Variants in DNAH10 observed in about 807,000 individuals in gnomAD.
DNAH10 encodes axonemal beta dynein heavy chain 10.
DNAH10 carries 348 observed loss-of-function variants against 506.6 expected under a neutral mutation model. The observed-to-expected ratio is 0.69, with a 90% CI of 0.63 to 0.75. The LOEUF is 0.75. DNAH10 is among the 30% of genes least tolerant of loss of function. DNAH10 has a pLI of 0.00. For missense variants in DNAH10, 5,179 were observed against 5,787.1 expected (o/e 0.89, Z 3.41); for synonymous variants, 2,059 against 2,198.6 (o/e 0.94, Z 1.78).
At chr12:123,836,727 A>G (rs969058396) in intron 28 of DNAH10, among the ~76,000 whole-genome samples, 5 of 152,196 alleles carry the variant, frequency 3.3e-5, no homozygotes, top group African/African-American at 1.2e-4. Context: ...AAAGAATTGT[A>G]CAACACATAT....
rs773202712 is a variant in DNAH10 at position 123,913,164 on chromosome 12, G to A, written c.10201G>A (p.Ala3401Thr). The A allele has an allele frequency of 1.9e-6, 3 of 1,611,788 alleles. No individual in the cohort carries two copies. The highest frequency in any genetic ancestry group is 2.5e-6 in the Non-Finnish European group (3 of 1,179,374). The part of the protein sequence containing the change: ...RELERIQNEL[A>T]AIQKELETLG... ...ACTGGAAAGGATCCAGAATGAGTTGGCAGCAATTCAGAAAGAGCTGGAAAC... is the reference window on the plus strand; with the variant it reads ...ACTGGAAAGGATCCAGAATGAGTTGACAGCAATTCAGAAAGAGCTGGAAAC... Residue 3401 changes from alanine (A) to threonine (T), a missense_variant, in exon 60 of 79, where the codon GCA (alanine) becomes ACA (threonine). By Grantham distance (58) the Ala-to-Thr change is moderately conservative. Around this residue, in one of 3 missense-constraint regions of DNAH10, gnomAD observed 4,844 missense variants for 5,430.5 expected, o/e 0.89. Transcript: ENST00000673944. The surrounding 1 kb of genome is among the most constrained non-coding windows in gnomAD (Gnocchi z 5.1).
intron 56 of DNAH10, 51 bp downstream of exon 56, chr12:123,898,865 C>T (rs907164179): frequency 2.4e-5 from 37 of 1,528,126 alleles, no homozygotes; most frequent in South Asian, 1.8e-4. Context: ...CAATACCCAC[C>T]GTAGGTGAGT....
chr12:123,883,230 A>T (rs1023984233), intron 51 of DNAH10, among the ~76,000 whole-genome samples: 1 of 152,202 alleles, frequency 6.6e-6, no homozygotes, highest in Non-Finnish European at 1.5e-5. Flanking sequence ...GTATGCTCCT[A>T]CAAGTGGAAT....
chr12:123,932,169 C>T (rs1955246189), intron 76 of DNAH10, 61 bp downstream of exon 76: 2 of 1,593,856 alleles, frequency 1.3e-6, no homozygotes, highest in African/African-American at 2.7e-5. Flanking sequence ...ACTCCTCAAA[C>T]CACCTCCCAA....
chr12:123,790,627 A>G (rs1172840298), intron 11 of DNAH10, among the ~76,000 whole-genome samples: 3 of 152,176 alleles, frequency 2.0e-5, no homozygotes, highest in African/African-American at 7.2e-5. Flanking sequence ...TGAAGGTGAC[A>G]GACATGAGAA....
In DNAH10 at chr12:123,882,618, C is replaced by A. The variant is rs1952555014; in HGVS notation, c.8823+805C>A. Among the ~76,000 whole-genome samples, 4 of 151,942 alleles carry A rather than the reference C, an allele frequency of 2.6e-5. No homozygotes were observed. The South Asian group carries it at 8.3e-4, about 32-fold the overall frequency. ...CATCACCCTTGCCAACATGGTGAAA[C>A]CCCGTCTCTACTAAAAATAAAAAAA... On this transcript the variant is annotated intron_variant, in intron 51 of 78. Transcript: ENST00000673944.
intron 6 of DNAH10, among the ~76,000 whole-genome samples, chr12:123,782,618 G>A (rs1463751878): frequency 2.6e-5 from 4 of 151,528 alleles, no homozygotes; most frequent in African/African-American, 9.7e-5. Context: ...TGCCACATTG[G>A]CCAGGCTGGT....
Position 123,805,031 on chromosome 12 carries a change from T to C in DNAH10, c.2978T>C (p.Leu993Pro). ...EKKIYEVLTK[L>P]ILKNLQSFNS... is the part of the protein sequence containing the mutation. The stretch of plus-strand genomic sequence containing the variant: ...AAAATTTATGAGGTCCTGACAAAGC[T>C]CATCCTGAAGTAAGTTCATCTTGTT... The change falls in exon 18 of 79, where the codon CTC becomes CCC. Residue 993 changes from leucine (L) to proline (P), a missense_variant. Transcript: ENST00000673944. The C allele has an allele frequency of 6.2e-7, 1 of 1,614,136 alleles. No individual in the cohort carries two copies. The highest frequency in any genetic ancestry group is 8.5e-7 in the Non-Finnish European group (1 of 1,180,010).
At chr12:123,908,253 C>T (rs1356623424) in intron 57 of DNAH10, 2 of 441,374 alleles carry the variant, frequency 4.5e-6, no homozygotes, top group African/African-American at 4.0e-5. Context: ...CTCTCTGTCT[C>T]CTCCCTGTCT....
In DNAH10 at chr12:123,826,847, A is replaced by C; in HGVS notation, c.4340A>C (p.Lys1447Thr). The C allele has an allele frequency of 1.9e-6, 3 of 1,614,014 alleles. No homozygotes were observed. Among genetic ancestry groups the C allele is most frequent in the Non-Finnish European group, 2.5e-6 (3 of 1,179,876 alleles). The change falls in exon 25 of 79, where the codon AAA (lysine) becomes ACA (threonine). Residue 1447 changes from lysine (K) to threonine (T), a missense_variant. Physicochemically the swap from Lys to Thr is moderately conservative, Grantham distance 78. Transcript: ENST00000673944. ...TTGGAAGCAAAAATGAAGGCATTCA[A>C]AGACTCGATTCCTTTACTTCTTGAC... ...YYLEAKMKAF[K>T]DSIPLLLDLK...
intron 29 of DNAH10, among the ~76,000 whole-genome samples, chr12:123,840,288 C>G (rs1418658146): frequency 1.3e-5 from 2 of 151,808 alleles, no homozygotes; most frequent in African/African-American, 4.8e-5. Flanking sequence ...TCTCCTATTA[C>G]TTTCCCTTTA....
intron 52 of DNAH10, among the ~76,000 whole-genome samples, chr12:123,889,497 A>G (rs954306830): frequency 1.3e-5 from 2 of 152,182 alleles, no homozygotes; most frequent in Admixed American, 6.5e-5. Context: ...CTTGGAGCAT[A>G]CATTTCAGCG....
intron 5 of DNAH10, among the ~76,000 whole-genome samples, chr12:123,779,318 G>A (rs750766993): frequency 5.3e-5 from 8 of 152,098 alleles, no homozygotes; most frequent in African/African-American, 9.7e-5. Flanking sequence ...TGGATTACAG[G>A]CATAAGCTAC....
chr12:123,892,075 A>G (rs1429410198), intron 52 of DNAH10, among the ~76,000 whole-genome samples: 6 of 152,230 alleles, frequency 3.9e-5, no homozygotes, highest in Non-Finnish European at 5.9e-5. Flanking sequence ...GCCCGGAGGG[A>G]GAGCGGGTAG....
rs1044906248 is a variant in DNAH10, at chr12:123,913,890, A to G, written c.10353-439A>G. 2.0e-5 allele frequency among the ~76,000 whole-genome samples: 3 copies of G among 152,248 alleles called. No individual in the cohort carries two copies. The highest frequency in any genetic ancestry group is 7.2e-5 in the African/African-American group (3 of 41,464). ...TGGGAAACAATTTTCAGTATTTCTT[A>G]AACCTAAGTCTTGGGGCATTTACTG... On this transcript the variant is annotated intron_variant, in intron 60 of 78. Coordinates refer to ENST00000673944, the MANE Select transcript of DNAH10 (RefSeq NM_001372106.1). The surrounding 1 kb of genome is among the most constrained non-coding windows in gnomAD (Gnocchi z 5.1).
rs1372154890 is a variant in DNAH10 at position 123,845,560 on chromosome 12, G to A, written c.5361-40G>A. ...GGGACTGTTTTGGGTACCAGTCCCCGGATTGATCAGAGCCTCTTACAGGTG... is the reference window on the plus strand; with the variant it reads ...GGGACTGTTTTGGGTACCAGTCCCCAGATTGATCAGAGCCTCTTACAGGTG... On this transcript the variant is annotated intron_variant, in intron 30 of 78. Transcript: ENST00000673944. The A allele has an allele frequency of 7.5e-6, 12 of 1,605,168 alleles. No homozygotes were observed. In the East Asian group the frequency reaches 8.9e-5, roughly 12 times the overall value.
chr12:123,857,374 C>A, intron 37 of DNAH10, 127 bp downstream of exon 37: 1 of 845,386 alleles, frequency 1.2e-6, no homozygotes, highest in South Asian at 2.8e-5. Context: ...CCATTTTTCC[C>A]CATTTTTAAA....
intron 2 of DNAH10, among the ~76,000 whole-genome samples, chr12:123,768,991 A>C (rs1004773210): frequency 1.3e-5 from 2 of 152,122 alleles, no homozygotes; most frequent in African/African-American, 4.8e-5. Context: ...CTCCCACCTC[A>C]GCCTTCCAAA....
In DNAH10 at chr12:123,881,682, G is replaced by A. The variant is rs369051832; in HGVS notation, c.8692G>A (p.Asp2898Asn). The A allele has an allele frequency of 4.5e-6, 7 of 1,547,770 alleles. No homozygotes were observed. In the African/African-American group the frequency reaches 6.9e-5, roughly 15 times the overall value. ...NTKMNLVLFD[D>N]ALEHLTRVHR... ...CAAAATGAACTTGGTTCTCTTCGAC[G>A]ATGCTCTGGAGCATTTAACCCGGGT... Residue 2898 changes from aspartate (D) to asparagine (N), a missense_variant, in exon 51 of 79, where the codon GAT becomes AAT. Around this residue, in one of 3 missense-constraint regions of DNAH10, gnomAD observed 4,844 missense variants for 5,430.5 expected, o/e 0.89. Transcript: ENST00000673944.
Sources: gnomAD v4.1 joint callset for allele counts (sites outside exome capture counted in the v4.1 genomes callset) on GRCh38, gnomAD v4.1.1 for gene constraint, gnomAD v4.1.1 regional missense constraint, Gnocchi (gnomAD v3.1) non-coding constraint, MANE v1.5 for transcripts, NCBI Gene and HGNC (gene_info 2026-07-23, HGNC 2026-07-21) for gene names.